Variants in SUCO observed in about 807,000 individuals in gnomAD.
SUCO encodes SUN domain containing ossification factor, also known as SUN domain-containing ossification factor.
Under a neutral mutation model 148.1 loss-of-function variants are expected in SUCO, and 57 were observed. The observed-to-expected ratio is 0.38, with a 90% CI of 0.31 to 0.48. The LOEUF (loss-of-function observed/expected upper bound fraction) is 0.48. Among genes scored for constraint, SUCO ranks in the 20% least tolerant of loss-of-function variants. SUCO has a pLI of 0.96. For missense variants in SUCO, 1,331 were observed against 1,468.2 expected (o/e 0.91, Z 1.53); for synonymous variants, 470 against 502.7 (o/e 0.93, Z 0.87).
chr1:172,532,512 C>T, upstream of SUCO: 1 of 1,613,674 alleles, frequency 6.2e-7, no homozygotes. Flanking sequence ...ATCTACCAAT[C>T]AACATCTAGC....
At chr1:172,572,696 TAAAAAAAAAAAAAAAAA>T (rs61248782) in intron 9 of SUCO, among the ~76,000 whole-genome samples, 2 of 49,600 alleles carry the variant, frequency 4.0e-5, no homozygotes, top group East Asian at 9.2e-4. Context: ...GAATGATCAA[TAAAAAAAAAAAAAAAAA>T]AAAAAAAAAA....
chr1:172,540,236 C>G (rs1359886910), intron 1 of SUCO, among the ~76,000 whole-genome samples: 1 of 152,168 alleles, frequency 6.6e-6, no homozygotes, highest in Non-Finnish European at 1.5e-5. Flanking sequence ...AACCGGTATG[C>G]TGTGCTGCCA....
At chr1:172,535,044 C>T (rs957824417) in intron 1 of SUCO, among the ~76,000 whole-genome samples, 1 of 152,142 alleles carries the variant, frequency 6.6e-6, no homozygotes, top group Admixed American at 6.5e-5. Context: ...TTTAAGTTAA[C>T]TCTGCTTCTA....
rs371070725 is a variant in SUCO at position 172,589,421 on chromosome 1, G to A, written c.2320G>A (p.Asp774Asn). 1.7e-5 allele frequency: 27 copies of A among 1,613,288 alleles called. No homozygotes were observed. The highest frequency in any genetic ancestry group is 5.5e-5 in the South Asian group (5 of 91,022). The change falls in exon 18 of 24, where the codon GAT (aspartate) becomes AAT (asparagine). Residue 774 changes from aspartate to asparagine, a missense_variant. By Grantham distance (23) the Asp-to-Asn change is conservative. Coordinates refer to ENST00000263688, the MANE Select transcript of SUCO (RefSeq NM_014283.5). The stretch of plus-strand genomic sequence containing the variant: ...TCCCCAAGAGAGTTCTGTTGAGATC[G>A]ATAATGAAACAGAACAAAAGTCTGA... ...VIPQESSVEI[D>N]NETEQKSESF...
chr1:172,557,256 T>C, intron 4 of SUCO, 24 bp from the exon 5 acceptor site: 1 of 1,608,132 alleles, frequency 6.2e-7, no homozygotes, highest in Non-Finnish European at 8.5e-7. Flanking sequence ...ATTACCAGAT[T>C]ATGTTTCTTG....
chr1:172,569,536 C>A (rs1654791402), intron 7 of SUCO: 3 of 977,570 alleles, frequency 3.1e-6, no homozygotes. Flanking sequence ...GTTTCAAGAA[C>A]ATACCTAAAG....
Position 172,559,538 on chromosome 1 carries a change from G to A in SUCO, c.732+1744G>A, listed in dbSNP as rs561150405. ...TTAAACAGCGACTTTAATTGAAGCG[G>A]CAGTGTACAGCAGCAGCAGCAGAGG... On this transcript the variant is annotated intron_variant, in intron 6 of 23. Coordinates refer to ENST00000263688, the MANE Select transcript of SUCO (RefSeq NM_014283.5). Among the ~76,000 whole-genome samples, 4 of 152,310 alleles carry A rather than the reference G, an allele frequency of 2.6e-5. No individual in the cohort carries two copies. In the East Asian group the frequency reaches 7.7e-4, roughly 29 times the overall value.
chr1:172,569,193 G>T, intron 7 of SUCO, 51 bp downstream of exon 7: 2 of 1,336,636 alleles, frequency 1.5e-6, no homozygotes, highest in South Asian at 3.2e-5. Context: ...ATATGGTGTA[G>T]TTTAATATGC....
At chr1:172,594,693 C>T (rs1307207085) in intron 19 of SUCO, among the ~76,000 whole-genome samples, 2 of 152,140 alleles carry the variant, frequency 1.3e-5, no homozygotes, top group Non-Finnish European at 2.9e-5. Context: ...GAGTGCTTTA[C>T]CTCCAGCTAT....
At chr1:172,568,292 T>A in intron 6 of SUCO, 1 of 964,134 alleles carries the variant, frequency 1.0e-6, no homozygotes, top group Non-Finnish European at 1.2e-6. Flanking sequence ...ATTTATTGAT[T>A]TTATTCTTTG....
intron 1 of SUCO, among the ~76,000 whole-genome samples, chr1:172,534,278 G>A (rs1324094274): frequency 6.6e-6 from 1 of 152,172 alleles, no homozygotes; most frequent in East Asian, 1.9e-4. Flanking sequence ...TGTAAGTCGA[G>A]GGACTGCTGT....
chr1:172,547,063 C>T, intron 1 of SUCO, among the ~76,000 whole-genome samples: 1 of 152,156 alleles, frequency 6.6e-6, no homozygotes, highest in East Asian at 1.9e-4. Flanking sequence ...CTGGTGAATC[C>T]CCCAGAGGCA....
At chr1:172,596,444 G>A (rs1441655388) in intron 19 of SUCO, among the ~76,000 whole-genome samples, 2 of 152,190 alleles carry the variant, frequency 1.3e-5, no homozygotes, top group African/African-American at 2.4e-5. Context: ...TTTGATGATG[G>A]TAACGTACAG....
upstream of SUCO, chr1:172,532,816 G>A: frequency 1.3e-6 from 2 of 1,590,952 alleles, no homozygotes; most frequent in Non-Finnish European, 1.7e-6. Context: ...ACTGTAAGGG[G>A]AAATGCTGAG....
chr1:172,594,829 C>A (rs186304097), intron 19 of SUCO, among the ~76,000 whole-genome samples: 14 of 152,276 alleles, frequency 9.2e-5, no homozygotes, highest in African/African-American at 3.4e-4. Context: ...TCCTGGATAT[C>A]TTTGTTAACT....
chr1:172,609,528 C>T lies in SUCO; in HGVS notation c.3322-288C>T, dbSNP rs141427767. On this transcript the variant is annotated intron_variant, in intron 23 of 23. Coordinates refer to ENST00000263688, the MANE Select transcript of SUCO (RefSeq NM_014283.5). ...ATAATACATGAAAGCAACCTGTATG[C>T]TCTCTGGCAGTTAGTAGGTATTCAG... is the stretch of plus-strand genomic sequence containing the variant. 1,450 of 967,792 alleles carry T rather than the reference C, an allele frequency of 1.5e-3. 3 individuals are homozygous for T. Among genetic ancestry groups the T allele is most frequent in the Middle Eastern group, 4.3e-3 (8 of 1,882 alleles). 60.0% of individuals were successfully genotyped at this position (967,792 alleles called of 1,614,324 possible).
chr1:172,586,154 C>A (rs1465948757), intron 17 of SUCO, among the ~76,000 whole-genome samples: 2 of 150,122 alleles, frequency 1.3e-5, no homozygotes, highest in Non-Finnish European at 3.0e-5. Flanking sequence ...TAATTCAGAT[C>A]AAACTTTTTT....
chr1:172,601,498 C>CAAAA lies in SUCO; in HGVS notation c.3019-553_3019-550dup, dbSNP rs10633040. On this transcript the variant is annotated intron_variant, in intron 20 of 23. Transcript: ENST00000263688. The stretch of plus-strand genomic sequence containing the variant: ...TGGGCAACAGAGCAAGGCTCTGTCT[C>CAAAA]AAAAAAAAAAAAAAAAGTAATTGCA... Among the ~76,000 whole-genome samples the CAAAA allele has an allele frequency of 2.2e-3, 257 of 115,096 alleles. 2 individuals carry two copies. In the South Asian group the frequency reaches 0.025, roughly 11 times the overall value. 75.5% of individuals were successfully genotyped at this position (115,096 alleles called of 152,430 possible).
intron 18 of SUCO, chr1:172,590,237 A>T: frequency 1.4e-6 from 1 of 714,192 alleles, no homozygotes; most frequent in Non-Finnish European, 1.7e-6. Context: ...TTTCTGCTTG[A>T]TTCCCAGAGG....
Sources: allele counts gnomAD v4.1 joint callset (sites outside exome capture counted in the v4.1 genomes callset), GRCh38; gene constraint gnomAD v4.1.1; transcripts MANE v1.5; gene names NCBI Gene and HGNC (gene_info 2026-07-23, HGNC 2026-07-21).